Variants in KIZ observed in about 807,000 individuals in gnomAD.
KIZ encodes centrosomal protein kizuna.
A neutral mutation model predicts 79.6 loss-of-function variants in KIZ; 68 were observed. The ratio of observed to expected loss-of-function variants is 0.85; its 90% CI spans 0.70 to 1.05. KIZ has a LOEUF of 1.05. KIZ is among the 50% of genes least tolerant of loss of function. The pLI is 0.00. For synonymous variants in KIZ, 280 were observed against 281.8 expected, an observed-to-expected ratio of 0.99 and a Z score of 0.06; for missense variants, 797 against 800.4, an observed-to-expected ratio of 1.00 and a Z score of 0.05.
chr20:21,199,449 A>G (rs1390435504), intron 6 of KIZ, among the ~76,000 whole-genome samples: 4 of 152,262 alleles, frequency 2.6e-5, no homozygotes, highest in Non-Finnish European at 5.9e-5. Flanking sequence ...TGCTACAGCT[A>G]GAATTGCTGT....
At chr20:21,185,680 G>A (rs1349496708) in intron 6 of KIZ, among the ~76,000 whole-genome samples, 1 of 150,944 alleles carries the variant, frequency 6.6e-6, no homozygotes, top group Non-Finnish European at 1.5e-5. Flanking sequence ...CAAAGTGCTG[G>A]GATTACAAGC....
chr20:21,174,073 A>G (rs1428239027), intron 6 of KIZ, among the ~76,000 whole-genome samples: 1 of 152,170 alleles, frequency 6.6e-6, no homozygotes, highest in Non-Finnish European at 1.5e-5. Flanking sequence ...GGTGCCAAGT[A>G]GAATGTTTCA....
At chr20:21,152,480 G>A (rs2033167249) in intron 4 of KIZ, among the ~76,000 whole-genome samples, 1 of 152,022 alleles carries the variant, frequency 6.6e-6, no homozygotes, top group Non-Finnish European at 1.5e-5. Flanking sequence ...ATGTAGTTCT[G>A]CATATTTCTT....
chr20:21,169,536 C>G (rs542350753), intron 6 of KIZ, among the ~76,000 whole-genome samples: 7 of 152,152 alleles, frequency 4.6e-5, no homozygotes, highest in South Asian at 2.1e-4. Flanking sequence ...CCTCAGGGAT[C>G]TAGAACTAGA....
In KIZ at chr20:21,147,128, C is replaced by T. The variant is rs1046566103; in HGVS notation, c.405+1474C>T. Among the ~76,000 whole-genome samples the T allele has an allele frequency of 3.3e-5, 5 of 152,124 alleles. No homozygotes were observed. The East Asian group carries it at 7.7e-4, about 24-fold the overall frequency. ...CAGTGTCAATGGTACTTCAGGAAAA[C>T]GGAAGCTTTTTTTTTCTTTATTTAC... On this transcript the variant is annotated intron_variant, in intron 4 of 12. Coordinates refer to ENST00000619189, the MANE Select transcript of KIZ (RefSeq NM_018474.6).
intron 9 of KIZ, among the ~76,000 whole-genome samples, chr20:21,224,028 T>C (rs1286685336): frequency 6.6e-6 from 1 of 150,392 alleles, no homozygotes; most frequent in Non-Finnish European, 1.5e-5. Flanking sequence ...AGTTTTATTC[T>C]TGTTGCCCAG....
At chr20:21,153,150 T>C (rs2033202486) in intron 4 of KIZ, among the ~76,000 whole-genome samples, 1 of 152,168 alleles carries the variant, frequency 6.6e-6, no homozygotes, top group Admixed American at 6.5e-5. Context: ...TTTCATAATA[T>C]AAATCTCTTA....
chr20:21,159,545 G>A (rs2033557468), intron 4 of KIZ, among the ~76,000 whole-genome samples: 1 of 151,862 alleles, frequency 6.6e-6, no homozygotes, highest in Admixed American at 6.6e-5. Context: ...CCAGCCTGGG[G>A]CAAACAGTTA....
chr20:21,202,924 TTA>T (rs1397279426), intron 6 of KIZ, among the ~76,000 whole-genome samples: 9 of 152,202 alleles, frequency 5.9e-5, no homozygotes, highest in Non-Finnish European at 5.9e-5. Context: ...CAGTCTTGTT[TTA>T]TCTCTCTCCC....
chr20:21,232,038 A>G (rs1309778299), intron 10 of KIZ, among the ~76,000 whole-genome samples: 5 of 152,206 alleles, frequency 3.3e-5, no homozygotes, highest in South Asian at 2.1e-4. Flanking sequence ...GCTTTTTGCA[A>G]AGATGCCCAT....
intron 6 of KIZ, among the ~76,000 whole-genome samples, chr20:21,190,081 C>T (rs1000954188): frequency 1.3e-5 from 2 of 152,214 alleles, no homozygotes; most frequent in African/African-American, 4.8e-5. Context: ...TCACTGTGGC[C>T]TCACATACAG....
At chr20:21,225,297 T>G (rs1288659924) in intron 9 of KIZ, among the ~76,000 whole-genome samples, 3 of 152,242 alleles carry the variant, frequency 2.0e-5, no homozygotes, top group African/African-American at 7.2e-5. Flanking sequence ...GCGTGTGTGT[T>G]TGTTTCTGTG....
chr20:21,145,740 CTTA>C (rs2032814767), intron 4 of KIZ, 86 bp downstream of exon 4: 2 of 548,610 alleles, frequency 3.6e-6, no homozygotes, highest in South Asian at 6.7e-5. Flanking sequence ...ATAAAATCAT[CTTA>C]TTAGGAAGAT....
chr20:21,173,102 T>C (rs2034284805), intron 6 of KIZ, among the ~76,000 whole-genome samples: 1 of 152,136 alleles, frequency 6.6e-6, no homozygotes, highest in South Asian at 2.1e-4. Flanking sequence ...TGAACTTCAA[T>C]TGAAATGAAG....
chr20:21,214,929 TAATAA>T (rs1201078964), intron 8 of KIZ, among the ~76,000 whole-genome samples: 1 of 152,252 alleles, frequency 6.6e-6, no homozygotes, highest in African/African-American at 2.4e-5. Flanking sequence ...AATTTATTTC[TAATAA>T]AATAAGTATG....
chr20:21,180,675 C>G (rs1280420790), intron 6 of KIZ, among the ~76,000 whole-genome samples: 1 of 152,044 alleles, frequency 6.6e-6, no homozygotes, highest in Non-Finnish European at 1.5e-5. Context: ...GTTCAAGACC[C>G]AAATAAGGCA....
intron 6 of KIZ, among the ~76,000 whole-genome samples, chr20:21,191,198 T>C (rs984845762): frequency 6.6e-6 from 1 of 152,232 alleles, no homozygotes; most frequent in African/African-American, 2.4e-5. Context: ...ATCCATCTCA[T>C]GCATAGTGTT....
intron 1 of KIZ, among the ~76,000 whole-genome samples, 159 bp downstream of exon 1, chr20:21,126,363 T>G (rs2031469451): frequency 6.6e-6 from 1 of 151,846 alleles, no homozygotes; most frequent in African/African-American, 2.4e-5. Flanking sequence ...AGGACAGTGT[T>G]TACTAGAGCC....
intron 6 of KIZ, among the ~76,000 whole-genome samples, chr20:21,199,817 A>T (rs1318122750): frequency 6.6e-6 from 1 of 151,984 alleles, no homozygotes; most frequent in Non-Finnish European, 1.5e-5. Context: ...GGTGTCATAG[A>T]ATTATTTTTT....
Sources: gnomAD v4.1 joint callset for allele counts (sites outside exome capture counted in the v4.1 genomes callset) on GRCh38, gnomAD v4.1.1 for gene constraint, MANE v1.5 for transcripts, NCBI Gene and HGNC (gene_info 2026-07-23, HGNC 2026-07-21) for gene names.